DTNB: variants seen among roughly 807,000 people sequenced by gnomAD.
DTNB encodes the protein DTN-B.
DTNB carries 63 observed loss-of-function variants against 90.7 expected under a neutral mutation model. The ratio of observed to expected loss-of-function variants is 0.69; its 90% confidence interval spans 0.57 to 0.86. The LOEUF (loss-of-function observed/expected upper bound fraction) is 0.86. Among genes scored for constraint, DTNB ranks in the 40% least tolerant of loss-of-function variants. The pLI, the probability that DTNB is intolerant of heterozygous loss-of-function variation, is 0.00. For missense variants in DTNB, 744 were observed against 807.1 expected, an observed-to-expected ratio of 0.92 and a Z score of 0.95; for synonymous variants, 277 against 286.7, an observed-to-expected ratio of 0.97 and a Z score of 0.34.
At chr2:25,620,920 C>A (rs976324694) in intron 4 of DTNB, among the ~76,000 whole-genome samples, 2 of 152,118 alleles carry the variant, frequency 1.3e-5, no homozygotes, top group African/African-American at 2.4e-5. Flanking sequence ...CCAGCCACTC[C>A]GGAGGCTGAA....
intron 12 of DTNB, among the ~76,000 whole-genome samples, chr2:25,434,397 GTC>G (rs1478089610): frequency 4.9e-5 from 5 of 101,368 alleles, no homozygotes; most frequent in African/African-American, 2.3e-4. Flanking sequence ...CCATGAACTA[GTC>G]TTTTTTTTTT....
At chr2:25,636,938 G>C (rs2077241456) in intron 3 of DTNB, among the ~76,000 whole-genome samples, 1 of 151,766 alleles carries the variant, frequency 6.6e-6, no homozygotes, top group Admixed American at 6.6e-5. Flanking sequence ...GTTAAGATTT[G>C]TGAGTAAGAC....
intron 16 of DTNB, among the ~76,000 whole-genome samples, chr2:25,395,524 A>G (rs2042160110): frequency 6.7e-6 from 1 of 149,822 alleles, no homozygotes; most frequent in South Asian, 2.1e-4. Context: ...GTACATAAAT[A>G]TATAAATCAC....
intron 10 of DTNB, among the ~76,000 whole-genome samples, chr2:25,465,354 C>T (rs1165254071): frequency 5.6e-5 from 8 of 142,138 alleles, no homozygotes; most frequent in Admixed American, 5.1e-4. Context: ...CCAGCCTGGG[C>T]GACAGAGCGA....
At chr2:25,539,556 C>G (rs944755787) in intron 8 of DTNB, among the ~76,000 whole-genome samples, 8 of 146,066 alleles carry the variant, frequency 5.5e-5, no homozygotes, top group African/African-American at 1.8e-4. Flanking sequence ...CTGTCTTTGT[C>G]ATAGGGTTGC....
chr2:25,445,595 C>T (rs548588132), intron 12 of DTNB, among the ~76,000 whole-genome samples: 1 of 152,258 alleles, frequency 6.6e-6, no homozygotes, highest in East Asian at 1.9e-4. Context: ...TGCATGAGCC[C>T]GCCTGTCTGA....
rs763301694 is a variant in DTNB at position 25,523,641 on chromosome 2, C to CAA, written c.1001+7830_1001+7831dup. ...GGGCGACAGAGCAAGACTCTGTCTCCAAAAAAAAAAAAAAAAAGAACTGCT... is the reference window on the plus strand; with the variant it reads ...GGGCGACAGAGCAAGACTCTGTCTCCAAAAAAAAAAAAAAAAAAAGAACTGCT... On this transcript the variant is annotated intron_variant, in intron 9 of 20. Coordinates refer to ENST00000406818, the MANE Select transcript of DTNB (RefSeq NM_021907.5). Among the ~76,000 whole-genome samples, 112 of 92,228 alleles carry CAA rather than the reference C, an allele frequency of 1.2e-3. 2 individuals carry two copies. The highest frequency in any genetic ancestry group is 2.1e-3 in the East Asian group (8 of 3,748). The allele number at this position is 92,228 out of a possible 152,430, so 60.5% of individuals were successfully genotyped here. A position where few individuals can be genotyped will look rare whatever the true frequency, so the allele number is the denominator to read the frequency against.
intron 6 of DTNB, 33 bp from the exon 7 acceptor site, chr2:25,580,859 G>GT: frequency 6.4e-7 from 1 of 1,570,410 alleles, no homozygotes; most frequent in Non-Finnish European, 8.7e-7. Context: ...CATACTTTAA[G>GT]TTTTTTAGGA....
At chr2:25,398,323 G>C (rs2042907320) in intron 16 of DTNB, among the ~76,000 whole-genome samples, 1 of 152,230 alleles carries the variant, frequency 6.6e-6, no homozygotes, top group African/African-American at 2.4e-5. Context: ...AGTTGAAAGA[G>C]AAAAGCTACG....
chr2:25,602,421 C>T (rs2066093181), intron 5 of DTNB, among the ~76,000 whole-genome samples: 1 of 152,220 alleles, frequency 6.6e-6, no homozygotes. Flanking sequence ...TAAACAGTCA[C>T]TTCCATCTAC....
intron 6 of DTNB, among the ~76,000 whole-genome samples, chr2:25,593,089 CA>C (rs1573079365): frequency 1.3e-5 from 2 of 152,240 alleles, no homozygotes; most frequent in African/African-American, 2.4e-5. Flanking sequence ...GCTTCATCAT[CA>C]CAGCACTGCA....
At chr2:25,544,279 T>C (rs1227669928) in intron 8 of DTNB, among the ~76,000 whole-genome samples, 5 of 152,186 alleles carry the variant, frequency 3.3e-5, no homozygotes, top group Non-Finnish European at 5.9e-5. Context: ...CTGAGACTTG[T>C]TTTCCTCGGA....
Position 25,387,793 on chromosome 2 carries a change from G to A in DTNB, c.1735+409C>T, listed in dbSNP as rs1402328947. On this transcript the variant is annotated intron_variant, in intron 17 of 20. Coordinates refer to ENST00000406818, the MANE Select transcript of DTNB (RefSeq NM_021907.5). This position sits in a 1 kb window ranked among gnomAD's most constrained non-coding sequence, Gnocchi z 4.5. Reference sequence around the variant, plus strand: ...CCCCACCCAACTACTTAATACTGCTGGTCACCAGCTCCCCCGATGACTGTG... The same window carrying A: ...CCCCACCCAACTACTTAATACTGCTAGTCACCAGCTCCCCCGATGACTGTG... Among the ~76,000 whole-genome samples the A allele has an allele frequency of 6.6e-6, 1 of 152,178 alleles. No individual in the cohort carries two copies. Among genetic ancestry groups the A allele is most frequent in the Non-Finnish European group, 1.5e-5 (1 of 68,040 alleles).
At chr2:25,571,661 C>T (rs1369798647) in intron 8 of DTNB, among the ~76,000 whole-genome samples, 4 of 152,206 alleles carry the variant, frequency 2.6e-5, no homozygotes, top group Non-Finnish European at 4.4e-5. Context: ...CCTGACTCCA[C>T]TTGCTACTCT....
At chr2:25,419,779 T>C (rs1050006840) in intron 15 of DTNB, among the ~76,000 whole-genome samples, 1 of 152,048 alleles carries the variant, frequency 6.6e-6, no homozygotes, top group African/African-American at 2.4e-5. Flanking sequence ...GGAAAGAACC[T>C]TAGAAACCAC....
At chr2:25,633,086 C>T (rs560371007) in intron 3 of DTNB, among the ~76,000 whole-genome samples, 1 of 152,326 alleles carries the variant, frequency 6.6e-6, no homozygotes, top group East Asian at 1.9e-4. Context: ...AGAACAATTG[C>T]TAGAAATAAG....
chr2:25,433,048 A>C, intron 13 of DTNB, 49 bp from the exon 14 acceptor site: 1 of 1,507,250 alleles, frequency 6.6e-7, no homozygotes, highest in Non-Finnish European at 8.9e-7. Flanking sequence ...CTTCTCACTC[A>C]CGCTCCCTCT....
chr2:25,452,843 A>G (rs1122350), intron 11 of DTNB, among the ~76,000 whole-genome samples: 27,856 of 151,076 alleles, frequency 0.18, 3,366 homozygotes, highest in Non-Finnish European at 0.26. Context: ...CGCCTATGAC[A>G]TTTGTCAACA....
chr2:25,510,510 CTTCT>C (rs1384280478), intron 9 of DTNB, among the ~76,000 whole-genome samples: 2 of 151,070 alleles, frequency 1.3e-5, no homozygotes, highest in African/African-American at 4.9e-5. Flanking sequence ...TGCCTTTCTT[CTTCT>C]TTTTTTTTTT....
Sources: gnomAD v4.1 joint callset for allele counts (sites outside exome capture counted in the v4.1 genomes callset) on GRCh38, gnomAD v4.1.1 for gene constraint, Gnocchi (gnomAD v3.1) non-coding constraint, MANE v1.5 for transcripts, NCBI Gene and HGNC (gene_info 2026-07-23, HGNC 2026-07-21) for gene names.